PHLPP1: variants seen among roughly 807,000 people sequenced by gnomAD.
PHLPP1 encodes the protein PH domain leucine-rich repeat-containing protein phosphatase 1.
In PHLPP1, 42 loss-of-function variants were observed where a neutral mutation model predicts 117.2. The observed-to-expected ratio is 0.36, with a 90% CI of 0.28 to 0.46. The LOEUF (loss-of-function observed/expected upper bound fraction) is 0.46. Ranked by LOEUF, PHLPP1 falls within the 20% of genes least tolerant of loss-of-function variation. The probability of loss-of-function intolerance (pLI) is 1.00; values close to 1 mark genes in which losing one functional copy is unlikely to be tolerated. For missense variants in PHLPP1, 2,084 were observed against 2,241.9 expected, an observed-to-expected ratio of 0.93 and a Z score of 1.42; for synonymous variants, 1,042 against 970.7, an observed-to-expected ratio of 1.07 and a Z score of -1.37.
At chr18:62,772,832 A>C (rs1463279650) in intron 1 of PHLPP1, among the ~76,000 whole-genome samples, 1 of 136,530 alleles carries the variant, frequency 7.3e-6, no homozygotes, top group Non-Finnish European at 1.7e-5. Context: ...CTCTTTCTCA[A>C]AAAAAAAAAA....
At chr18:62,959,231 A>G (rs907759191) in intron 13 of PHLPP1, among the ~76,000 whole-genome samples, 2 of 152,248 alleles carry the variant, frequency 1.3e-5, no homozygotes, top group Non-Finnish European at 2.9e-5. Context: ...GAGAATGTTC[A>G]TCATGGAACT....
chr18:62,854,614 C>G (rs1345257186), intron 3 of PHLPP1, among the ~76,000 whole-genome samples: 1 of 151,610 alleles, frequency 6.6e-6, no homozygotes, highest in Non-Finnish European at 1.5e-5. Context: ...GAGGAGCCTC[C>G]CTTCTGATGA....
intron 12 of PHLPP1, among the ~76,000 whole-genome samples, chr18:62,953,653 C>T (rs1910528588): frequency 6.6e-6 from 1 of 152,172 alleles, no homozygotes; most frequent in Non-Finnish European, 1.5e-5. Flanking sequence ...TTATTGCCTG[C>T]CGATTTGTAG....
chr18:62,763,635 T>C (rs1912336588), intron 1 of PHLPP1, among the ~76,000 whole-genome samples: 1 of 152,204 alleles, frequency 6.6e-6, no homozygotes, highest in African/African-American at 2.4e-5. Context: ...GTCCCTCTTT[T>C]TTAGTTTTCT....
At chr18:62,833,324 T>C (rs918782396) in intron 2 of PHLPP1, among the ~76,000 whole-genome samples, 19 of 152,212 alleles carry the variant, frequency 1.2e-4, no homozygotes, top group African/African-American at 4.6e-4. Flanking sequence ...TCCGCCTGCT[T>C]CGGCCTCCCA....
Position 62,895,888 on chromosome 18 carries a change from A to C in PHLPP1, c.2321A>C (p.Asp774Ala), listed in dbSNP as rs142964179. 3.9e-4 allele frequency: 627 copies of C among 1,612,960 alleles called. No individual in the cohort carries two copies. Among genetic ancestry groups the C allele is most frequent in the Non-Finnish European group, 4.8e-4 (570 of 1,178,970 alleles). The change falls in exon 6 of 17, where the codon GAC becomes GCC. Residue 774 changes from aspartate (D) to alanine (A), a missense_variant. Around this residue, in one of 2 missense-constraint regions of PHLPP1, gnomAD observed 1,365 missense variants for 1,605.9 expected, o/e 0.85. Transcript: ENST00000262719. ...YLGLSFNEFT[D>A]IPEVLEKLTA... ...GGTCTTTCTTTCAATGAATTTACTG[A>C]CATTCCCGAAGTATTGGAGAAATTG...
At chr18:62,723,731 A>AT (rs1910988559) in intron 1 of PHLPP1, among the ~76,000 whole-genome samples, 1 of 152,030 alleles carries the variant, frequency 6.6e-6, no homozygotes, top group Non-Finnish European at 1.5e-5. Flanking sequence ...TTGGGAAACA[A>AT]TTTTTTCCTT....
At chr18:62,793,143 C>G (rs1468966022) in intron 1 of PHLPP1, among the ~76,000 whole-genome samples, 1 of 152,098 alleles carries the variant, frequency 6.6e-6, no homozygotes, top group African/African-American at 2.4e-5. Flanking sequence ...CCACTGCACT[C>G]CAGCCTGGGC....
At chr18:62,751,035 C>T (rs980225313) in intron 1 of PHLPP1, among the ~76,000 whole-genome samples, 2 of 152,046 alleles carry the variant, frequency 1.3e-5, no homozygotes, top group African/African-American at 2.4e-5. Flanking sequence ...TTTAAAAAAC[C>T]AACACCAACA....
intron 4 of PHLPP1, among the ~76,000 whole-genome samples, chr18:62,883,270 G>A (rs1488095154): frequency 6.6e-6 from 1 of 152,180 alleles, no homozygotes; most frequent in Non-Finnish European, 1.5e-5. Context: ...ACCATGAACA[G>A]AGTGGGAAAC....
rs190676649 is a variant in PHLPP1, at chr18:62,927,876, G to A, written c.2960+7762G>A. 1.1e-4 allele frequency among the ~76,000 whole-genome samples: 16 copies of A among 152,026 alleles called. No individual in the cohort carries two copies. The South Asian group carries it at 1.5e-3, about 14-fold the overall frequency. On this transcript the variant is annotated intron_variant, in intron 10 of 16. Coordinates refer to ENST00000262719, the MANE Select transcript of PHLPP1 (RefSeq NM_194449.4). ...TAAAGTACATGTGAAAAAGAGTATCGATTGGATACCTGGAATAAACCCAGA... is the reference window on the plus strand; with the variant it reads ...TAAAGTACATGTGAAAAAGAGTATCAATTGGATACCTGGAATAAACCCAGA...
chr18:62,850,485 T>C (rs544355432), intron 3 of PHLPP1, among the ~76,000 whole-genome samples: 1 of 152,286 alleles, frequency 6.6e-6, no homozygotes, highest in Non-Finnish European at 1.5e-5. Flanking sequence ...GAGTGTAAGT[T>C]TTTTTGTGGT....
rs539776050 is a variant in PHLPP1, at chr18:62,761,638, A to T, written c.1576+44379A>T. 1.5e-4 allele frequency among the ~76,000 whole-genome samples: 23 copies of T among 151,836 alleles called. No homozygotes were observed. The South Asian group carries it at 2.7e-3, about 18-fold the overall frequency. ...ACAGAGCGAGACTCCGTCTCAAAAA[A>T]AAATAAATAAAAATAAAAAAATAAA... On this transcript the variant is annotated intron_variant, in intron 1 of 16. Transcript: ENST00000262719.
chr18:62,885,189 G>A (rs1047239153), intron 4 of PHLPP1, among the ~76,000 whole-genome samples: 2 of 152,186 alleles, frequency 1.3e-5, no homozygotes, highest in African/African-American at 4.8e-5. Context: ...GGTAACATTT[G>A]TGTATATTTG....
At chr18:62,814,651 C>A (rs1914212821) in intron 1 of PHLPP1, among the ~76,000 whole-genome samples, 1 of 152,138 alleles carries the variant, frequency 6.6e-6, no homozygotes, top group Non-Finnish European at 1.5e-5. Context: ...GTAAATTCTT[C>A]CAGTAGCTTT....
chr18:62,893,067 A>G (rs983967419), intron 4 of PHLPP1, among the ~76,000 whole-genome samples: 3 of 149,530 alleles, frequency 2.0e-5, no homozygotes, highest in African/African-American at 7.4e-5. Context: ...TTTGAGGCAG[A>G]GTCTCGCTCT....
At chr18:62,760,906 C>T (rs943084441) in intron 1 of PHLPP1, among the ~76,000 whole-genome samples, 21 of 152,204 alleles carry the variant, frequency 1.4e-4, no homozygotes, top group Admixed American at 1.2e-3. Flanking sequence ...GCTGCCTAGG[C>T]GGGAGTGCAG....
At chr18:62,864,017 A>T (rs150319664) in intron 4 of PHLPP1, among the ~76,000 whole-genome samples, 5 of 150,576 alleles carry the variant, frequency 3.3e-5, no homozygotes, top group East Asian at 1.9e-4. Context: ...TTGTTTATTT[A>T]TTTTAATTAA....
intron 3 of PHLPP1, among the ~76,000 whole-genome samples, chr18:62,851,695 A>T (rs1915354965): frequency 6.6e-6 from 1 of 152,028 alleles, no homozygotes; most frequent in South Asian, 2.1e-4. Flanking sequence ...TCCTGACCTC[A>T]TGATCTGCCT....
Sources: gnomAD v4.1 joint callset for allele counts (sites outside exome capture counted in the v4.1 genomes callset) on GRCh38, gnomAD v4.1.1 for gene constraint, gnomAD v4.1.1 regional missense constraint, MANE v1.5 for transcripts, NCBI Gene and HGNC (gene_info 2026-07-23, HGNC 2026-07-21) for gene names.